SYNPR: variants seen among roughly 807,000 people sequenced by gnomAD.
SYNPR encodes synaptoporin.
In SYNPR, 23 loss-of-function variants were observed where a neutral mutation model predicts 32.9. That is an observed-to-expected ratio of 0.70 (90% confidence interval 0.50 to 0.99). The LOEUF is 0.99. SYNPR is among the 50% of genes least tolerant of loss of function. SYNPR has a pLI of 0.00. For missense variants in SYNPR, 318 were observed against 349.3 expected (o/e 0.91, Z 0.71); for synonymous variants, 146 against 135.9 (o/e 1.07, Z -0.52).
intron 3 of SYNPR, among the ~76,000 whole-genome samples, chr3:63,510,427 G>T (rs1345694674): frequency 1.3e-5 from 2 of 152,150 alleles, no homozygotes; most frequent in Admixed American, 1.3e-4. Flanking sequence ...TTTTCAATGT[G>T]TGGTTTAAAG....
chr3:63,279,491 T>C (rs1269572195), intron 2 of SYNPR, among the ~76,000 whole-genome samples: 1 of 152,128 alleles, frequency 6.6e-6, no homozygotes, highest in African/African-American at 2.4e-5. Context: ...GCAATTTGTC[T>C]ATGGGCAGAG....
intron 3 of SYNPR, among the ~76,000 whole-genome samples, chr3:63,551,289 A>T (rs1390278431): frequency 6.6e-6 from 1 of 152,204 alleles, no homozygotes; most frequent in Non-Finnish European, 1.5e-5. Flanking sequence ...TGTATGAATA[A>T]ACTACATCTT....
At chr3:63,573,438 G>A (rs1702925149) in intron 4 of SYNPR, among the ~76,000 whole-genome samples, 1 of 152,118 alleles carries the variant, frequency 6.6e-6, no homozygotes, top group African/African-American at 2.4e-5. Context: ...GCTGATTTTT[G>A]TACTCCATTT....
chr3:63,363,175 T>C (rs1179043288), intron 2 of SYNPR, among the ~76,000 whole-genome samples: 1 of 152,208 alleles, frequency 6.6e-6, no homozygotes, highest in African/African-American at 2.4e-5. Context: ...GTGCTGTCAT[T>C]TTAAAATTTT....
At chr3:63,336,477 T>A (rs7619968) in intron 2 of SYNPR, among the ~76,000 whole-genome samples, 65,450 of 133,992 alleles carry the variant, frequency 0.49, 15,758 homozygotes, top group Non-Finnish European at 0.55. Context: ...GAAAAGATAA[T>A]CTTTTGAATA....
At chr3:63,461,162 C>T (rs1386857250) in intron 2 of SYNPR, among the ~76,000 whole-genome samples, 1 of 151,934 alleles carries the variant, frequency 6.6e-6, no homozygotes, top group Admixed American at 6.6e-5. Context: ...GCTTTTTAAA[C>T]CTTACATCCT....
chr3:63,456,253 C>G (rs1031067526), intron 2 of SYNPR, among the ~76,000 whole-genome samples: 5 of 152,034 alleles, frequency 3.3e-5, no homozygotes, highest in African/African-American at 1.2e-4. Flanking sequence ...ATATCACCTC[C>G]CTAGTGTCTA....
intron 2 of SYNPR, among the ~76,000 whole-genome samples, chr3:63,329,836 G>A (rs2106980953): frequency 6.6e-6 from 1 of 152,260 alleles, no homozygotes. Flanking sequence ...TCGCTGTCCA[G>A]GTACCTCTGG....
At chr3:63,583,094 T>C (rs1408310902) in intron 4 of SYNPR, among the ~76,000 whole-genome samples, 1 of 152,078 alleles carries the variant, frequency 6.6e-6, no homozygotes, top group Admixed American at 6.6e-5. Flanking sequence ...GGTTATCTAT[T>C]GTTAGCAGAG....
chr3:63,418,156 C>G (rs555906545), intron 2 of SYNPR, among the ~76,000 whole-genome samples: 127 of 152,228 alleles, frequency 8.3e-4, no homozygotes, highest in African/African-American at 2.8e-3. Flanking sequence ...TTAGAAATTT[C>G]TTCCTAAATC....
At chr3:63,398,734 A>G (rs2088251502) in intron 2 of SYNPR, among the ~76,000 whole-genome samples, 1 of 152,098 alleles carries the variant, frequency 6.6e-6, no homozygotes, top group Admixed American at 6.5e-5. Context: ...AGAAAAAAAA[A>G]AAAGTGTACT....
intron 2 of SYNPR, among the ~76,000 whole-genome samples, chr3:63,286,692 G>T (rs2086686770): frequency 6.6e-6 from 1 of 152,200 alleles, no homozygotes; most frequent in Non-Finnish European, 1.5e-5. Context: ...CTTCTGTGGG[G>T]ATGTATTTGA....
chr3:63,335,128 G>A (rs6772709), intron 2 of SYNPR, among the ~76,000 whole-genome samples: 75,920 of 151,992 alleles, frequency 0.5, 21,258 homozygotes, highest in South Asian at 0.63. Flanking sequence ...GCCGAGGCGG[G>A]TGGATCACAA....
intron 3 of SYNPR, among the ~76,000 whole-genome samples, chr3:63,522,511 A>T (rs1000595326): frequency 6.6e-6 from 1 of 151,874 alleles, no homozygotes; most frequent in African/African-American, 2.4e-5. Flanking sequence ...ACTAATCACC[A>T]TTCTTTCAAG....
chr3:63,254,298 C>T (rs982280239), intron 2 of SYNPR, among the ~76,000 whole-genome samples: 8 of 151,892 alleles, frequency 5.3e-5, no homozygotes, highest in African/African-American at 1.9e-4. Context: ...TGCACATGTA[C>T]CCTAAAACTT....
chr3:63,360,644 T>C (rs2087645278), intron 2 of SYNPR, among the ~76,000 whole-genome samples: 1 of 152,172 alleles, frequency 6.6e-6, no homozygotes, highest in South Asian at 2.1e-4. Context: ...TGATGTTCTT[T>C]GAACATACTA....
At chr3:63,254,096 C>G (rs1483664411) in intron 2 of SYNPR, among the ~76,000 whole-genome samples, 3 of 152,080 alleles carry the variant, frequency 2.0e-5, no homozygotes, top group Non-Finnish European at 4.4e-5. Context: ...CATGTTCTCA[C>G]TCATAGGTGG....
chr3:63,551,070 C>A (rs2106820452), intron 3 of SYNPR, among the ~76,000 whole-genome samples: 1 of 152,298 alleles, frequency 6.6e-6, no homozygotes, highest in African/African-American at 2.4e-5. Flanking sequence ...TTAAACTGTA[C>A]AATTCTCCCA....
At position 63,513,160 on chromosome 3, in the gene SYNPR, C is replaced by T. The variant is rs1349377969; in HGVS notation, c.209+32204C>T. ...ATTCTCCACATATCCCCCCCTCCCC[C>T]CCACCCCCACACTCCTACACATAAG... On this transcript the variant is annotated intron_variant, in intron 3 of 5. Transcript: ENST00000478300. Among the ~76,000 whole-genome samples the T allele has an allele frequency of 2.1e-5, 3 of 140,864 alleles. No individual in the cohort carries two copies. In the South Asian group the frequency reaches 8.0e-4, roughly 38 times the overall value. The allele number at this position is 140,864 out of a possible 152,430, so 92.4% of individuals were successfully genotyped here.
Sources: allele counts gnomAD v4.1 joint callset (sites outside exome capture counted in the v4.1 genomes callset), GRCh38; gene constraint gnomAD v4.1.1; transcripts MANE v1.5; gene names NCBI Gene and HGNC (gene_info 2026-07-23, HGNC 2026-07-21).